The following PRR16 variants were observed in gnomAD, a reference collection of about 807,000 sequenced individuals.
PRR16 encodes the protein proline rich 16.
A neutral mutation model predicts 18.2 loss-of-function variants in PRR16; 6 were observed. The observed-to-expected ratio is 0.33, with a 90% CI of 0.18 to 0.65. PRR16 has a LOEUF of 0.65. Among genes scored for constraint, PRR16 ranks in the 30% least tolerant of loss-of-function variants. The probability of loss-of-function intolerance (pLI) is 0.74; values close to 1 mark genes in which losing one functional copy is unlikely to be tolerated. For synonymous variants in PRR16, 151 were observed against 147.8 expected (o/e 1.02, Z -0.16); for missense variants, 412 against 376.6 (o/e 1.09, Z -0.78).
intron 1 of PRR16, among the ~76,000 whole-genome samples, chr5:120,678,895 G>C (rs955643613): frequency 6.6e-6 from 1 of 151,906 alleles, no homozygotes; most frequent in African/African-American, 2.4e-5. Flanking sequence ...AATATAAACT[G>C]AATTTGGATT....
the PRR16 span, among the ~76,000 whole-genome samples, chr5:120,769,560 A>G: frequency 1.3e-5 from 2 of 151,842 alleles, no homozygotes; most frequent in African/African-American, 4.8e-5. Flanking sequence ...TTAAAGGTCA[A>G]GTAATATTTC....
At chr5:120,556,338 T>C (rs1752411745) in intron 1 of PRR16, among the ~76,000 whole-genome samples, 1 of 151,090 alleles carries the variant, frequency 6.6e-6, no homozygotes, top group Non-Finnish European at 1.5e-5. Context: ...ATTTAATTTA[T>C]CCAGTTGGCT....
At chr5:120,577,560 T>C (rs1753120784) in intron 1 of PRR16, among the ~76,000 whole-genome samples, 1 of 152,098 alleles carries the variant, frequency 6.6e-6, no homozygotes, top group Admixed American at 6.6e-5. Context: ...AAACACTACC[T>C]CTTAGGAGTT....
chr5:120,560,231 C>T (rs1271784560), intron 1 of PRR16, among the ~76,000 whole-genome samples: 2 of 151,842 alleles, frequency 1.3e-5, no homozygotes, highest in Non-Finnish European at 2.9e-5. Context: ...AGAGGAAAGG[C>T]TTTCAGTTTT....
rs189317998 is a variant in PRR16, at chr5:120,632,539, A to G, written c.160-53415A>G. 4.7e-3 allele frequency among the ~76,000 whole-genome samples: 713 copies of G among 152,270 alleles called. 6 individuals carry two copies. Among genetic ancestry groups the G allele is most frequent in the African/African-American group, 0.016 (667 of 41,576 alleles). ...AGAAAGCATAAATTAAAAAAAAATC[A>G]TAATGTCTGGAAATCAAGGACACAC... is the stretch of plus-strand genomic sequence containing the variant. On this transcript the variant is annotated intron_variant, in intron 1 of 1. Transcript: ENST00000407149.
intron 1 of PRR16, among the ~76,000 whole-genome samples, chr5:120,684,077 G>A (rs1234193810): frequency 6.6e-6 from 1 of 152,154 alleles, no homozygotes; most frequent in Non-Finnish European, 1.5e-5. Context: ...CGTTATTTAG[G>A]AGCTAAAATA....
At chr5:120,700,794 C>G in the PRR16 span, among the ~76,000 whole-genome samples, 10,159 of 152,130 alleles carry the variant, frequency 0.067, 364 homozygotes, top group South Asian at 0.088. Context: ...GAGAGTTACC[C>G]AAAGCTCGGC....
At chr5:120,552,403 T>C (rs749989057) in intron 1 of PRR16, among the ~76,000 whole-genome samples, 33 of 151,704 alleles carry the variant, frequency 2.2e-4, no homozygotes, top group Non-Finnish European at 3.4e-4. Flanking sequence ...GGTGTACATA[T>C]TATTTTGGAC....
chr5:120,751,949 T>G, the PRR16 span, among the ~76,000 whole-genome samples: 1 of 152,130 alleles, frequency 6.6e-6, no homozygotes, highest in Non-Finnish European at 1.5e-5. Context: ...TTTATTTAGA[T>G]AGTTCAAAGA....
chr5:120,464,739 A>C, intron 1 of PRR16, 94 bp downstream of exon 1: 1 of 1,334,628 alleles, frequency 7.5e-7, no homozygotes, highest in Non-Finnish European at 9.8e-7. Flanking sequence ...AGATTTCCAA[A>C]CTCCTGGGAA....
At chr5:120,675,934 T>G (rs1329235412) in intron 1 of PRR16, among the ~76,000 whole-genome samples, 1 of 152,184 alleles carries the variant, frequency 6.6e-6, no homozygotes, top group South Asian at 2.1e-4. Flanking sequence ...GAGAACAGGA[T>G]GTAAGTTGCC....
At chr5:120,659,042 T>G (rs1478177564) in intron 1 of PRR16, among the ~76,000 whole-genome samples, 2 of 151,920 alleles carry the variant, frequency 1.3e-5, no homozygotes, top group Admixed American at 1.3e-4. Context: ...ATAGTTCTTT[T>G]AAGGTCTCAT....
intron 1 of PRR16, among the ~76,000 whole-genome samples, chr5:120,540,406 C>G (rs1447456629): frequency 6.6e-6 from 1 of 152,174 alleles, no homozygotes; most frequent in Non-Finnish European, 1.5e-5. Flanking sequence ...AGGACACCAT[C>G]CAGATTTCTT....
intron 1 of PRR16, among the ~76,000 whole-genome samples, chr5:120,522,316 C>T (rs1561529380): frequency 6.6e-6 from 1 of 152,334 alleles, no homozygotes; most frequent in South Asian, 2.1e-4. Context: ...TATTTCTCCA[C>T]ATCCTCTCCA....
At chr5:120,549,894 T>G (rs1030541468) in intron 1 of PRR16, among the ~76,000 whole-genome samples, 1 of 152,028 alleles carries the variant, frequency 6.6e-6, no homozygotes, top group African/African-American at 2.4e-5. Context: ...TGTTTTATCC[T>G]GAGGTACTAA....
chr5:120,577,803 T>C lies in PRR16; in HGVS notation c.160-108151T>C, dbSNP rs572261376. 2.4e-4 allele frequency among the ~76,000 whole-genome samples: 36 copies of C among 152,322 alleles called. 1 individual carries two copies. In the South Asian group the frequency reaches 7.2e-3, roughly 31 times the overall value. Reference sequence around the variant, plus strand: ...GTACTAAAAGCTTTCTTTCGATTATTCATTTAATTTTCCCAGCAACTGGGG... The same window carrying C: ...GTACTAAAAGCTTTCTTTCGATTATCCATTTAATTTTCCCAGCAACTGGGG... On this transcript the variant is annotated intron_variant, in intron 1 of 1. Coordinates refer to ENST00000407149, the MANE Select transcript of PRR16 (RefSeq NM_001300783.2).
the PRR16 span, among the ~76,000 whole-genome samples, chr5:120,728,092 T>C: frequency 6.6e-6 from 1 of 152,000 alleles, no homozygotes; most frequent in African/African-American, 2.4e-5. Context: ...ATTGTTTGAT[T>C]AAATTATACA....
chr5:120,495,366 C>T (rs1750209362), intron 1 of PRR16, among the ~76,000 whole-genome samples: 1 of 151,940 alleles, frequency 6.6e-6, no homozygotes, highest in Non-Finnish European at 1.5e-5. Flanking sequence ...TTCCACATCC[C>T]CTGAGAATAC....
At chr5:120,618,421 A>G (rs960331278) in intron 1 of PRR16, 9 of 929,818 alleles carry the variant, frequency 9.7e-6, no homozygotes, top group South Asian at 9.9e-5. Flanking sequence ...AGATTATAGT[A>G]ATTATACTGT....
Sources: gnomAD v4.1 joint callset for allele counts (sites outside exome capture counted in the v4.1 genomes callset) on GRCh38, gnomAD v4.1.1 for gene constraint, MANE v1.5 for transcripts, NCBI Gene and HGNC (gene_info 2026-07-23, HGNC 2026-07-21) for gene names.